Variants in PARD3B observed in about 807,000 individuals in gnomAD.
PARD3B encodes partitioning defective 3 homolog B.
PARD3B carries 103 observed loss-of-function variants against 130.2 expected under a neutral mutation model. The observed-to-expected ratio is 0.79, with a 90% CI of 0.67 to 0.93. PARD3B has a LOEUF of 0.93. PARD3B is among the 40% of genes least tolerant of loss of function. The probability of loss-of-function intolerance (pLI) is 0.00; values close to 1 mark genes in which losing one functional copy is unlikely to be tolerated. For missense variants in PARD3B, 1,609 were observed against 1,499.2 expected (o/e 1.07, Z -1.21); for synonymous variants, 583 against 553.2 (o/e 1.05, Z -0.76).
At chr2:205,285,435 CATTAGAGTGACT>C (rs2041357399) in intron 16 of PARD3B, among the ~76,000 whole-genome samples, 1 of 152,140 alleles carries the variant, frequency 6.6e-6, no homozygotes, top group Admixed American at 6.5e-5. Flanking sequence ...TGTCCATGTG[CATTAGAGTGACT>C]ATGTTTGGAT....
intron 20 of PARD3B, among the ~76,000 whole-genome samples, chr2:205,482,157 G>A (rs1044044303): frequency 9.9e-5 from 15 of 152,156 alleles, no homozygotes; most frequent in Admixed American, 7.9e-4. Context: ...GGAGTAAATA[G>A]TATCCCCAAG....
intron 2 of PARD3B, among the ~76,000 whole-genome samples, chr2:204,888,667 G>C (rs577132741): frequency 3.3e-5 from 5 of 150,558 alleles, no homozygotes; most frequent in African/African-American, 1.2e-4. Flanking sequence ...GGAGGTCAAG[G>C]CTGCTAGTAA....
chr2:204,651,974 C>T (rs748354278), intron 1 of PARD3B, among the ~76,000 whole-genome samples: 19 of 152,154 alleles, frequency 1.2e-4, no homozygotes, highest in Non-Finnish European at 2.5e-4. Flanking sequence ...GCACCATGTC[C>T]CAAGGCAGCA....
chr2:205,528,769 C>T (rs527713972), intron 21 of PARD3B, among the ~76,000 whole-genome samples: 8 of 152,226 alleles, frequency 5.3e-5, no homozygotes, highest in South Asian at 2.1e-4. Context: ...TGATTACAGG[C>T]GTGAGCCACC....
chr2:204,700,551 C>A (rs571132554), intron 2 of PARD3B, among the ~76,000 whole-genome samples: 3 of 152,076 alleles, frequency 2.0e-5, no homozygotes, highest in African/African-American at 4.8e-5. Context: ...TTGATTAATA[C>A]TTCAGCCAAA....
rs1027030841 is a variant in PARD3B, at chr2:205,070,777, T to C, written c.504+23087T>C. On this transcript the variant is annotated intron_variant, in intron 4 of 22. Transcript: ENST00000406610. ...TCTACTTGAAACAATAGGTAATCAT[T>C]TGTGAACTAACTTTGTCACTACGTC... Among the ~76,000 whole-genome samples, 8 of 152,178 alleles carry C rather than the reference T, an allele frequency of 5.3e-5. No individual in the cohort carries two copies. The East Asian group carries it at 1.5e-3, about 29-fold the overall frequency.
intron 16 of PARD3B, among the ~76,000 whole-genome samples, chr2:205,262,746 T>C (rs538984145): frequency 6.6e-6 from 1 of 152,206 alleles, no homozygotes; most frequent in African/African-American, 2.4e-5. Context: ...ACATGAAAAG[T>C]CCTGACCTCT....
intron 18 of PARD3B, among the ~76,000 whole-genome samples, chr2:205,313,023 A>G (rs1476081792): frequency 6.6e-6 from 1 of 152,238 alleles, no homozygotes; most frequent in Non-Finnish European, 1.5e-5. Flanking sequence ...ACCAGAGAGA[A>G]GAACTAGAAC....
chr2:205,308,621 C>CAAAAAT (rs1252730210), intron 18 of PARD3B, among the ~76,000 whole-genome samples: 2 of 93,072 alleles, frequency 2.1e-5, no homozygotes, highest in Non-Finnish European at 5.4e-5. Flanking sequence ...AAAAAAAAAC[C>CAAAAAT]AAACAACAAA....
In PARD3B at chr2:204,998,312, GTATATATATATATATA is replaced by G. The variant is rs771546892; in HGVS notation, c.394+33021_394+33036del. On this transcript the variant is annotated intron_variant, in intron 3 of 22. Coordinates refer to ENST00000406610, the MANE Select transcript of PARD3B (RefSeq NM_001302769.2). ...CTGCACATGTATCCCAGAACTTAAA[GTATATATATATATATA>G]TATATATATATATATATATATATAT... Among the ~76,000 whole-genome samples, 71 of 52,006 alleles carry G rather than the reference GTATATATATATATATA, an allele frequency of 1.4e-3. 7 individuals carry two copies. Among genetic ancestry groups the G allele is most frequent in the African/African-American group, 4.7e-3 (54 of 11,500 alleles). The allele number at this position is 52,006 out of a possible 152,430, so 34.1% of individuals were successfully genotyped here. A position where few individuals can be genotyped will look rare whatever the true frequency, so the allele number is the denominator to read the frequency against.
chr2:205,469,437 A>G (rs1459570622), intron 20 of PARD3B, among the ~76,000 whole-genome samples: 4 of 152,142 alleles, frequency 2.6e-5, no homozygotes, highest in Admixed American at 2.0e-4. Flanking sequence ...TGGGCAAGGT[A>G]TTCTTCCTGT....
chr2:205,111,742 G>A (rs1703663079), intron 5 of PARD3B, among the ~76,000 whole-genome samples: 1 of 151,994 alleles, frequency 6.6e-6, no homozygotes, highest in Admixed American at 6.6e-5. Context: ...GGAAAGATTT[G>A]TGTTGTGCTT....
At chr2:205,455,469 G>T (rs982983500) in intron 20 of PARD3B, among the ~76,000 whole-genome samples, 1 of 148,562 alleles carries the variant, frequency 6.7e-6, no homozygotes. Context: ...TTAAGATTGC[G>T]ATTCATTCCC....
chr2:205,206,228 T>TC lies in PARD3B; in HGVS notation c.2140+12908_2140+12909insC, dbSNP rs1374934249. 6.5e-4 allele frequency among the ~76,000 whole-genome samples: 97 copies of TC among 150,336 alleles called. No individual in the cohort carries two copies. The South Asian group carries it at 0.02, about 31-fold the overall frequency. On this transcript the variant is annotated intron_variant, in intron 15 of 22. Coordinates refer to ENST00000406610, the MANE Select transcript of PARD3B (RefSeq NM_001302769.2). ...CCTTTTTTTTTTTCTTTTTTTTTTT[T>TC]ATTATACTTTAAGTTTTAGGGTACA...
At chr2:204,567,589 C>T (rs2031750997) in intron 1 of PARD3B, among the ~76,000 whole-genome samples, 2 of 152,294 alleles carry the variant, frequency 1.3e-5, no homozygotes, top group South Asian at 4.1e-4. Flanking sequence ...TATGTATGTA[C>T]CACATTTTGT....
chr2:204,787,075 A>G (rs1245526598), intron 2 of PARD3B, among the ~76,000 whole-genome samples: 1 of 152,016 alleles, frequency 6.6e-6, no homozygotes, highest in Non-Finnish European at 1.5e-5. Flanking sequence ...GAAAGCAGAA[A>G]TCATTTTTAT....
At chr2:204,765,035 T>C (rs1329428653) in intron 2 of PARD3B, among the ~76,000 whole-genome samples, 1 of 152,054 alleles carries the variant, frequency 6.6e-6, no homozygotes. Context: ...TTAGAGAAAA[T>C]AGTTAAATGG....
chr2:205,580,454 G>A (rs1274762318), intron 22 of PARD3B, among the ~76,000 whole-genome samples: 2 of 152,050 alleles, frequency 1.3e-5, no homozygotes, highest in African/African-American at 4.8e-5. Flanking sequence ...GTTACAGGAG[G>A]GCATGTTGAT....
intron 19 of PARD3B, among the ~76,000 whole-genome samples, chr2:205,432,411 T>C (rs1268820974): frequency 1.3e-5 from 2 of 152,150 alleles, no homozygotes; most frequent in African/African-American, 2.4e-5. Context: ...AACCGAACTC[T>C]ACCATGGACC....
Sources: gnomAD v4.1 joint callset for allele counts (sites outside exome capture counted in the v4.1 genomes callset) on GRCh38, gnomAD v4.1.1 for gene constraint, MANE v1.5 for transcripts, NCBI Gene and HGNC (gene_info 2026-07-23, HGNC 2026-07-21) for gene names.